Variants in FRMD3 observed in about 807,000 individuals in gnomAD.
The protein encoded by FRMD3 is FERM domain containing 3.
In FRMD3, 33 loss-of-function variants were observed where a neutral mutation model predicts 70.2. That is an observed-to-expected ratio of 0.47 (90% CI 0.36 to 0.63). The LOEUF (loss-of-function observed/expected upper bound fraction) is 0.63, where lower values mean the gene tolerates loss of function less well. FRMD3 is among the 20% of genes least tolerant of loss of function. FRMD3 has a pLI of 0.00. For missense variants in FRMD3, 632 were observed against 711.4 expected, an observed-to-expected ratio of 0.89 and a Z score of 1.27; for synonymous variants, 279 against 255.9, an observed-to-expected ratio of 1.09 and a Z score of -0.86.
the FRMD3 span, among the ~76,000 whole-genome samples, chr9:83,558,272 GTGTGTGCGCGCGCGCACGCACATGTGCA>G: frequency 2.0e-5 from 3 of 152,006 alleles, no homozygotes; most frequent in Non-Finnish European, 4.4e-5. Context: ...GTGTGTGTGT[GTGTGTGCGCGCGCGCACGCACATGTGCA>G]TGTGTGCGCC....
At chr9:83,262,394 C>T (rs181289150) in intron 13 of FRMD3, among the ~76,000 whole-genome samples, 26 of 152,298 alleles carry the variant, frequency 1.7e-4, no homozygotes, top group African/African-American at 6.3e-4. Context: ...AACTCTGCCA[C>T]CTTCTTCATT....
At chr9:83,369,382 C>T (rs1201174378) in intron 3 of FRMD3, among the ~76,000 whole-genome samples, 3 of 151,948 alleles carry the variant, frequency 2.0e-5, no homozygotes, top group African/African-American at 7.2e-5. Context: ...TCAAGACCAG[C>T]CTGGCCAATA....
chr9:83,487,167 T>C (rs992131741), intron 1 of FRMD3, among the ~76,000 whole-genome samples: 1 of 152,216 alleles, frequency 6.6e-6, no homozygotes, highest in Non-Finnish European at 1.5e-5. Context: ...AAGTTATCAT[T>C]ATCAAGAAGT....
Position 83,245,326 on chromosome 9 carries a change from AACTGGTG to A in FRMD3, c.*2585_*2591del. On this transcript the variant is annotated 3_prime_UTR_variant, in exon 14 of 14. Coordinates refer to ENST00000304195, the MANE Select transcript of FRMD3 (RefSeq NM_174938.6). ...AGGCTTTTCCTCATTCGATTCAGGC[AACTGGTG>A]ACTATCTTCTAACAAAACTTAAATG... The A allele has an allele frequency of 1.0e-6, 1 of 985,424 alleles. No individual in the cohort carries two copies. Among genetic ancestry groups the A allele is most frequent in the Non-Finnish European group, 1.2e-6 (1 of 829,924 alleles). The allele number at this position is 985,424 out of a possible 1,614,324, so 61.0% of individuals were successfully genotyped here.
intron 4 of FRMD3, among the ~76,000 whole-genome samples, chr9:83,348,249 T>C (rs959436284): frequency 6.6e-6 from 1 of 150,776 alleles, no homozygotes; most frequent in Non-Finnish European, 1.5e-5. Flanking sequence ...CTCTCTCTCT[T>C]CTCTCTCTCT....
At chr9:83,363,772 T>C (rs575150785) in intron 3 of FRMD3, among the ~76,000 whole-genome samples, 13 of 152,128 alleles carry the variant, frequency 8.5e-5, no homozygotes, top group Non-Finnish European at 1.3e-4. Context: ...GCCAGGATGG[T>C]CTCGATCTCC....
intron 2 of FRMD3, among the ~76,000 whole-genome samples, chr9:83,385,004 TG>T (rs1365329956): frequency 6.6e-6 from 1 of 152,024 alleles, no homozygotes; most frequent in East Asian, 1.9e-4. Flanking sequence ...CTTCCTTAGC[TG>T]GATTTGGGGA....
At chr9:83,243,092 C>G, downstream of FRMD3, 1 of 1,042,476 alleles carries the variant, frequency 9.6e-7, no homozygotes, top group Non-Finnish European at 1.5e-6. Context: ...GGCTGCCGAG[C>G]CCACTGGGTG....
chr9:83,347,511 T>C (rs1187574131), intron 4 of FRMD3, among the ~76,000 whole-genome samples: 8 of 152,170 alleles, frequency 5.3e-5, no homozygotes, highest in Admixed American at 4.6e-4. Flanking sequence ...TATAGAGCAT[T>C]TACAAAAGCC....
At chr9:83,344,817 A>ATGTGTGAGTG (rs1554690823) in intron 4 of FRMD3, among the ~76,000 whole-genome samples, 2 of 91,978 alleles carry the variant, frequency 2.2e-5, no homozygotes, top group South Asian at 8.1e-4. Context: ...GCATGCGTGC[A>ATGTGTGAGTG]TGTGTGAGTG....
chr9:83,290,618 GTTC>G lies in FRMD3; in HGVS notation c.1177_1179del (p.Glu393del), dbSNP rs745821345. ...ACAGACTTACCCTCACCCAGAGGAA[GTTC>G]TTCTTCTTGCTCGCTGGGGGAAGGA... On this transcript the variant is annotated inframe_deletion, in exon 13 of 14. Coordinates refer to ENST00000304195, the MANE Select transcript of FRMD3 (RefSeq NM_174938.6). The G allele has an allele frequency of 3.8e-5, 62 of 1,613,994 alleles. No homozygotes were observed. The highest frequency in any genetic ancestry group is 1.6e-4 in the Middle Eastern group (1 of 6,078).
intron 3 of FRMD3, 35 bp from the exon 4 acceptor site, chr9:83,349,792 AGCAAAAG>A (rs1172526718): frequency 1.3e-6 from 2 of 1,521,804 alleles, no homozygotes; most frequent in Non-Finnish European, 1.8e-6. Context: ...TGAGAAAAGC[AGCAAAAG>A]ACCATGGCCT....
chr9:83,289,593 A>G (rs1271544216), intron 13 of FRMD3, among the ~76,000 whole-genome samples: 1 of 152,202 alleles, frequency 6.6e-6, no homozygotes, highest in Admixed American at 6.5e-5. Flanking sequence ...TAGACTAAGA[A>G]GTTTTCTCCT....
At chr9:83,345,471 AG>A (rs1442598621) in intron 4 of FRMD3, among the ~76,000 whole-genome samples, 1 of 152,074 alleles carries the variant, frequency 6.6e-6, no homozygotes, top group Non-Finnish European at 1.5e-5. Flanking sequence ...AATAAGCTCC[AG>A]GGGGGCCGGG....
At chr9:83,525,165 C>T (rs1829658366) in intron 1 of FRMD3, among the ~76,000 whole-genome samples, 1 of 152,146 alleles carries the variant, frequency 6.6e-6, no homozygotes, top group South Asian at 2.1e-4. Context: ...TAACGTTTAG[C>T]ATCACGGACT....
chr9:83,567,874 G>A, the FRMD3 span, among the ~76,000 whole-genome samples: 1 of 152,126 alleles, frequency 6.6e-6, no homozygotes, highest in South Asian at 2.1e-4. Flanking sequence ...ACATTTTCCT[G>A]TCTTCTTCTG....
chr9:83,251,064 G>A (rs1030149235), intron 13 of FRMD3, among the ~76,000 whole-genome samples: 3 of 152,188 alleles, frequency 2.0e-5, no homozygotes, highest in Non-Finnish European at 4.4e-5. Flanking sequence ...GACTGAGTGG[G>A]AACTCACAAC....
intron 1 of FRMD3, among the ~76,000 whole-genome samples, chr9:83,415,495 T>G (rs1826407047): frequency 1.4e-5 from 2 of 143,752 alleles, no homozygotes; most frequent in East Asian, 4.1e-4. Context: ...CAGGCTGGAG[T>G]GCAGTGGCGC....
At position 83,459,093 on chromosome 9, in the gene FRMD3, T is replaced by C. The variant is rs1054971397; in HGVS notation, c.148-69385A>G. Among the ~76,000 whole-genome samples, 4 of 152,332 alleles carry C rather than the reference T, an allele frequency of 2.6e-5. No homozygotes were observed. In the South Asian group the frequency reaches 6.2e-4, roughly 24 times the overall value. On this transcript the variant is annotated intron_variant, in intron 1 of 13. Transcript: ENST00000304195. ...AACTCCTGGAAGTTGATCTTACTCA[T>C]GTAAGTAACAACAGTAAAAGGCTGT...
Sources: allele counts gnomAD v4.1 joint callset (sites outside exome capture counted in the v4.1 genomes callset), GRCh38; gene constraint gnomAD v4.1.1; transcripts MANE v1.5; gene names NCBI Gene and HGNC (gene_info 2026-07-23, HGNC 2026-07-21).